Variants in WWOX observed in about 807,000 individuals in gnomAD.
WWOX encodes WW domain containing oxidoreductase.
A neutral mutation model predicts 46.2 loss-of-function variants in WWOX; 69 were observed. The ratio of observed to expected loss-of-function variants is 1.49; its 90% CI spans 1.23 to 1.82. The LOEUF is 1.82. Ranked by LOEUF, WWOX falls within the 40% of genes most tolerant of loss-of-function variation. The pLI is 0.00. For missense variants in WWOX, 919 were observed against 542.6 expected, an observed-to-expected ratio of 1.69 and a Z score of -6.89; for synonymous variants, 359 against 202.6, an observed-to-expected ratio of 1.77 and a Z score of -6.56.
intron 8 of WWOX, among the ~76,000 whole-genome samples, chr16:78,521,911 A>G (rs1047925336): frequency 3.9e-5 from 6 of 152,070 alleles, no homozygotes; most frequent in Non-Finnish European, 5.9e-5. Context: ...TTTTACTGGT[A>G]TGTATATATT....
intron 6 of WWOX, among the ~76,000 whole-genome samples, chr16:78,411,248 C>T (rs927530992): frequency 1.3e-5 from 2 of 152,108 alleles, no homozygotes; most frequent in Non-Finnish European, 2.9e-5. Flanking sequence ...TAGGACAGTG[C>T]GTTTGAGATC....
At chr16:78,639,081 G>A (rs936517096) in intron 8 of WWOX, among the ~76,000 whole-genome samples, 5 of 152,104 alleles carry the variant, frequency 3.3e-5, no homozygotes, top group African/African-American at 1.2e-4. Context: ...GAAAAGCTGG[G>A]CCTAAAAGAC....
chr16:78,305,956 C>A (rs1478293107), intron 5 of WWOX, among the ~76,000 whole-genome samples: 1 of 151,852 alleles, frequency 6.6e-6, no homozygotes, highest in Non-Finnish European at 1.5e-5. Flanking sequence ...AATTACTTTC[C>A]TTTGATTGGG....
chr16:78,535,427 A>G (rs2043734799), intron 8 of WWOX: 3 of 152,288 alleles, frequency 2.0e-5, no homozygotes, highest in Non-Finnish European at 2.9e-5. Context: ...GTAGGATTCT[A>G]TTTCTGTAAA....
chr16:78,956,811 G>T (rs1474848899), intron 8 of WWOX, among the ~76,000 whole-genome samples: 2 of 152,172 alleles, frequency 1.3e-5, no homozygotes, highest in South Asian at 2.1e-4. Context: ...GCAACAGGAG[G>T]TCACGAAGGC....
chr16:78,446,657 CTTT>C (rs5818138), intron 8 of WWOX, among the ~76,000 whole-genome samples: 4,702 of 87,290 alleles, frequency 0.054, 59 homozygotes, highest in East Asian at 0.083. Flanking sequence ...CAAGTGTATA[CTTT>C]TTTTTTTTTT....
chr16:79,054,685 C>T (rs972782651), intron 8 of WWOX, among the ~76,000 whole-genome samples: 8 of 151,892 alleles, frequency 5.3e-5, no homozygotes, highest in African/African-American at 7.3e-5. Flanking sequence ...ATTAGCCAGG[C>T]GTGGTGTCGT....
chr16:78,108,175 C>T (rs1020673079), intron 1 of WWOX, among the ~76,000 whole-genome samples: 6 of 151,074 alleles, frequency 4.0e-5, no homozygotes, highest in Non-Finnish European at 8.8e-5. Flanking sequence ...ATCTGCTCCC[C>T]TAGGGCTCCC....
chr16:78,945,243 A>C (rs1269378781), intron 8 of WWOX, among the ~76,000 whole-genome samples: 5 of 152,150 alleles, frequency 3.3e-5, no homozygotes, highest in Non-Finnish European at 1.5e-5. Context: ...ATGAAAACCA[A>C]ATAACAGTGG....
intron 8 of WWOX, among the ~76,000 whole-genome samples, chr16:78,833,934 G>T (rs773047420): frequency 1.3e-5 from 2 of 152,258 alleles, no homozygotes; most frequent in Non-Finnish European, 2.9e-5. Flanking sequence ...GCCAAGGACT[G>T]TGTCTTATTC....
At chr16:78,208,457 A>T (rs904351204) in intron 5 of WWOX, among the ~76,000 whole-genome samples, 3 of 152,236 alleles carry the variant, frequency 2.0e-5, no homozygotes, top group African/African-American at 7.2e-5. Flanking sequence ...GGACTAGACA[A>T]ATCAAATTAA....
chr16:78,454,489 T>G (rs1015838821), intron 8 of WWOX, among the ~76,000 whole-genome samples: 10 of 142,134 alleles, frequency 7.0e-5, no homozygotes, highest in African/African-American at 2.8e-4. Context: ...GTTTTTGTGT[T>G]TTTGTTTGTT....
intron 8 of WWOX, among the ~76,000 whole-genome samples, chr16:78,701,445 C>G (rs535826805): frequency 5.0e-4 from 76 of 152,208 alleles, no homozygotes; most frequent in African/African-American, 1.8e-3. Context: ...GTCCGATGGC[C>G]ACATAGGTGG....
At chr16:78,465,069 T>A (rs937049115) in intron 8 of WWOX, among the ~76,000 whole-genome samples, 4 of 152,078 alleles carry the variant, frequency 2.6e-5, no homozygotes, top group African/African-American at 9.7e-5. Context: ...TCTCATGAGA[T>A]TTATTCACTA....
chr16:79,098,096 A>C (rs991075347), intron 8 of WWOX, among the ~76,000 whole-genome samples: 2 of 152,150 alleles, frequency 1.3e-5, no homozygotes, highest in African/African-American at 4.8e-5. Context: ...TTTGAGCTGG[A>C]AGAAACTTGA....
chr16:78,622,256 C>A (rs1052476920), intron 8 of WWOX, among the ~76,000 whole-genome samples: 9 of 152,044 alleles, frequency 5.9e-5, no homozygotes, highest in Admixed American at 3.9e-4. Context: ...AAAGTGAACC[C>A]TTGTGGCTGG....
intron 8 of WWOX, among the ~76,000 whole-genome samples, chr16:78,895,201 G>C (rs1341379999): frequency 6.6e-6 from 1 of 152,192 alleles, no homozygotes; most frequent in Admixed American, 6.5e-5. Flanking sequence ...CACTTTTAAA[G>C]AATCTGGGCT....
At chr16:78,943,041 C>T (rs1242139308) in intron 8 of WWOX, among the ~76,000 whole-genome samples, 1 of 152,174 alleles carries the variant, frequency 6.6e-6, no homozygotes, top group Admixed American at 6.5e-5. Flanking sequence ...ATCTCTCCTG[C>T]TTCTGCTTCC....
chr16:78,564,854 T>C (rs183274377), intron 8 of WWOX, among the ~76,000 whole-genome samples: 49 of 152,330 alleles, frequency 3.2e-4, no homozygotes, highest in Admixed American at 2.6e-3. Flanking sequence ...TCTTTCCTCT[T>C]TTTCTTTTGC....
Sources: allele counts gnomAD v4.1 joint callset (sites outside exome capture counted in the v4.1 genomes callset), GRCh38; gene constraint gnomAD v4.1.1; transcripts MANE v1.5; gene names NCBI Gene and HGNC (gene_info 2026-07-23, HGNC 2026-07-21).